AP3S1: variants seen among roughly 807,000 people sequenced by gnomAD.
AP3S1 encodes adaptor related protein complex 3 subunit sigma 1.
A neutral mutation model predicts 21.3 loss-of-function variants in AP3S1; 12 were observed. That is an observed-to-expected ratio of 0.56 (90% CI 0.36 to 0.91). The LOEUF (loss-of-function observed/expected upper bound fraction) is 0.91, where lower values mean the gene tolerates loss of function less well. Among genes scored for constraint, AP3S1 ranks in the 40% least tolerant of loss-of-function variants. The pLI is 0.01. For missense variants in AP3S1, 116 were observed against 225.0 expected (o/e 0.52, Z 3.10); for synonymous variants, 48 against 78.4 (o/e 0.61, Z 2.05).
At chr5:115,887,904 T>C (rs1749939274) in intron 3 of AP3S1, among the ~76,000 whole-genome samples, 1 of 152,168 alleles carries the variant, frequency 6.6e-6, no homozygotes, top group South Asian at 2.1e-4. Context: ...AACACAAGCA[T>C]GTTTTATAAC....
At chr5:115,866,481 T>G (rs1763629507) in intron 1 of AP3S1, among the ~76,000 whole-genome samples, 189 bp from the exon 2 acceptor site, 1 of 151,912 alleles carries the variant, frequency 6.6e-6, no homozygotes, top group African/African-American at 2.4e-5. Flanking sequence ...AATAATTGGG[T>G]TTTTTTTCTT....
intron 1 of AP3S1, among the ~76,000 whole-genome samples, chr5:115,844,556 C>T (rs995370410): frequency 5.9e-5 from 9 of 152,122 alleles, no homozygotes; most frequent in Non-Finnish European, 7.3e-5. Context: ...CTGAGGAGAG[C>T]GCCTGTTTGA....
At chr5:115,863,815 C>T (rs979094677) in intron 1 of AP3S1, among the ~76,000 whole-genome samples, 2 of 152,026 alleles carry the variant, frequency 1.3e-5, no homozygotes, top group Admixed American at 1.3e-4. Flanking sequence ...AAATTTAATG[C>T]CAGCAAAGGA....
intron 3 of AP3S1, among the ~76,000 whole-genome samples, chr5:115,893,677 G>T (rs754149667): frequency 6.6e-6 from 1 of 152,240 alleles, no homozygotes; most frequent in Non-Finnish European, 1.5e-5. Flanking sequence ...AGCAACTATA[G>T]CAAGAAGCCT....
chr5:115,846,555 G>GTTTTTTT (rs760506831), intron 1 of AP3S1, among the ~76,000 whole-genome samples: 1 of 128,034 alleles, frequency 7.8e-6, no homozygotes, highest in Non-Finnish European at 1.7e-5. Context: ...CTTCTTTCTC[G>GTTTTTTT]TTTTTTTTTT....
intron 5 of AP3S1, chr5:115,906,868 C>G (rs1335459551): frequency 6.0e-6 from 9 of 1,511,202 alleles, no homozygotes; most frequent in Non-Finnish European, 7.9e-6. Flanking sequence ...CAAGGTATTG[C>G]TGACTTTGAG....
At chr5:115,880,224 T>C (rs1410359323) in intron 3 of AP3S1, among the ~76,000 whole-genome samples, 1 of 152,176 alleles carries the variant, frequency 6.6e-6, no homozygotes, top group Non-Finnish European at 1.5e-5. Context: ...CTGATCTTAG[T>C]TATTTCTTGT....
In AP3S1 at chr5:115,867,467, T is replaced by G. The variant is rs78455049; in HGVS notation, c.161+706T>G. On this transcript the variant is annotated intron_variant, in intron 2 of 5. Transcript: ENST00000316788. ...TAACTTCCATGAAAATGGTTTGTTCTCAAACATAAATCAGTCAGAGAAACT... is the reference window on the plus strand; with the variant it reads ...TAACTTCCATGAAAATGGTTTGTTCGCAAACATAAATCAGTCAGAGAAACT... Among the ~76,000 whole-genome samples, 1,056 of 152,270 alleles carry G rather than the reference T, an allele frequency of 6.9e-3. 13 individuals are homozygous for G. Among genetic ancestry groups the G allele is most frequent in the African/African-American group, 0.025 (1,028 of 41,566 alleles).
chr5:115,894,210 A>C (rs1465751256), intron 3 of AP3S1, among the ~76,000 whole-genome samples: 1 of 152,178 alleles, frequency 6.6e-6, no homozygotes, highest in Admixed American at 6.5e-5. Flanking sequence ...GACATGCTTA[A>C]TTTCCCCCAA....
intron 3 of AP3S1, among the ~76,000 whole-genome samples, chr5:115,883,709 A>G (rs183777817): frequency 9.2e-5 from 14 of 152,358 alleles, no homozygotes; most frequent in African/African-American, 3.4e-4. Context: ...ACTGCTCAAA[A>G]TATCAATCAT....
chr5:115,877,369 A>G (rs1207513330), intron 3 of AP3S1, among the ~76,000 whole-genome samples: 1 of 151,914 alleles, frequency 6.6e-6, no homozygotes, highest in African/African-American at 2.4e-5. Context: ...ACCCCCTGAC[A>G]AGTCCCGGTG....
intron 3 of AP3S1, among the ~76,000 whole-genome samples, chr5:115,872,623 A>G (rs537718004): frequency 6.6e-6 from 1 of 152,282 alleles, no homozygotes; most frequent in South Asian, 2.1e-4. Context: ...TCCCTTGGGT[A>G]TATGTTCACT....
intron 4 of AP3S1, among the ~76,000 whole-genome samples, chr5:115,902,354 G>C (rs1325357322): frequency 6.6e-6 from 1 of 151,998 alleles, no homozygotes; most frequent in Admixed American, 6.6e-5. Context: ...CATGTGTAGA[G>C]GATTTGGGGG....
chr5:115,903,616 G>A (rs62371493), intron 5 of AP3S1: 17,489 of 152,146 alleles, frequency 0.11, 1,294 homozygotes, highest in Middle Eastern at 0.17. Flanking sequence ...TATAAGATCG[G>A]TTTGTTATAC....
intron 1 of AP3S1, among the ~76,000 whole-genome samples, chr5:115,844,623 G>C: frequency 6.6e-6 from 1 of 152,172 alleles, no homozygotes; most frequent in East Asian, 1.9e-4. Flanking sequence ...ACATTAGTTG[G>C]AAGTGTCTGT....
At chr5:115,907,030 A>G (rs1041829866) in intron 5 of AP3S1, 1 of 966,288 alleles carries the variant, frequency 1.0e-6, no homozygotes, top group Non-Finnish European at 1.2e-6. Flanking sequence ...TTCATCTTTT[A>G]TTGGACTTAG....
At chr5:115,908,017 T>C (rs978357904) in intron 5 of AP3S1, among the ~76,000 whole-genome samples, 1 of 152,174 alleles carries the variant, frequency 6.6e-6, no homozygotes, top group African/African-American at 2.4e-5. Flanking sequence ...GAATTGATGA[T>C]TGTGGTGATA....
chr5:115,855,401 A>G (rs1762734768), intron 1 of AP3S1, among the ~76,000 whole-genome samples: 1 of 151,532 alleles, frequency 6.6e-6, no homozygotes, highest in Non-Finnish European at 1.5e-5. Context: ...GTCCGGTGGT[A>G]TATCACGGCT....
chr5:115,909,873 A>G (rs749170255), intron 5 of AP3S1, among the ~76,000 whole-genome samples: 2 of 152,200 alleles, frequency 1.3e-5, no homozygotes, highest in African/African-American at 2.4e-5. Flanking sequence ...TTTCCTATGC[A>G]TATATACATA....
Sources: gnomAD v4.1 joint callset for allele counts (sites outside exome capture counted in the v4.1 genomes callset) on GRCh38, gnomAD v4.1.1 for gene constraint, MANE v1.5 for transcripts, NCBI Gene and HGNC (gene_info 2026-07-23, HGNC 2026-07-21) for gene names.